C10orf90: variants seen among roughly 807,000 people sequenced by gnomAD.
C10orf90 encodes the protein (E2-independent) E3 ubiquitin-conjugating enzyme FATS.
C10orf90 carries 56 observed loss-of-function variants against 62.5 expected under a neutral mutation model. The ratio of observed to expected loss-of-function variants is 0.90; its 90% CI spans 0.72 to 1.12. C10orf90 has a LOEUF of 1.12. Ranked by LOEUF, C10orf90 falls within the 50% of genes most tolerant of loss-of-function variation. C10orf90 has a pLI of 0.00. For missense variants in C10orf90, 970 were observed against 880.4 expected (o/e 1.10, Z -1.29); for synonymous variants, 386 against 340.4 (o/e 1.13, Z -1.47).
intron 3 of C10orf90, among the ~76,000 whole-genome samples, chr10:126,506,811 A>AT (rs145425276): frequency 0.12 from 17,919 of 152,174 alleles, 1,110 homozygotes; most frequent in East Asian, 0.15. Flanking sequence ...GCACAGTAGC[A>AT]TTTTTATTTT....
intron 2 of C10orf90, among the ~76,000 whole-genome samples, chr10:126,526,725 G>A (rs1863960575): frequency 6.6e-6 from 1 of 152,086 alleles, no homozygotes; most frequent in African/African-American, 2.4e-5. Flanking sequence ...CACTCCACAT[G>A]ATCCCTTGAC....
chr10:126,494,897 G>A (rs892468461), intron 4 of C10orf90, among the ~76,000 whole-genome samples: 1 of 152,204 alleles, frequency 6.6e-6, no homozygotes, highest in African/African-American at 2.4e-5. Context: ...CTGTGCACCT[G>A]CCCTTCAGGC....
At chr10:126,593,514 G>T (rs933873608) in intron 2 of C10orf90, among the ~76,000 whole-genome samples, 6 of 152,082 alleles carry the variant, frequency 3.9e-5, no homozygotes, top group Non-Finnish European at 4.4e-5. Context: ...ATGGATACAT[G>T]GAGTGGGGAA....
chr10:126,626,279 C>A (rs1406518334), intron 2 of C10orf90, among the ~76,000 whole-genome samples: 1 of 152,176 alleles, frequency 6.6e-6, no homozygotes, highest in Non-Finnish European at 1.5e-5. Flanking sequence ...CCCCTCAGGA[C>A]AGAAGCATCC....
chr10:126,663,467 T>C (rs1415071759), intron 1 of C10orf90, among the ~76,000 whole-genome samples: 5 of 152,222 alleles, frequency 3.3e-5, no homozygotes, highest in African/African-American at 9.6e-5. Flanking sequence ...TCACAGAATT[T>C]TCTCTTTGGA....
At chr10:126,508,776 G>A (rs896238519) in intron 3 of C10orf90, among the ~76,000 whole-genome samples, 9 of 152,152 alleles carry the variant, frequency 5.9e-5, no homozygotes, top group African/African-American at 2.2e-4. Context: ...GTTCTCGGGC[G>A]GGGGCCTCCA....
chr10:126,537,917 C>T (rs568458371), intron 2 of C10orf90, among the ~76,000 whole-genome samples: 3 of 152,222 alleles, frequency 2.0e-5, no homozygotes, highest in Admixed American at 1.3e-4. Context: ...TTAGAGTGGG[C>T]CCTAACCCAA....
chr10:126,550,051 G>T (rs1026664817), intron 2 of C10orf90, among the ~76,000 whole-genome samples: 28 of 151,838 alleles, frequency 1.8e-4, no homozygotes, highest in Admixed American at 1.4e-3. Context: ...AGCCTCCCGG[G>T]TTCAAGCAAT....
At chr10:126,532,346 T>G (rs1864117084) in intron 2 of C10orf90, among the ~76,000 whole-genome samples, 2 of 152,144 alleles carry the variant, frequency 1.3e-5, no homozygotes, top group South Asian at 4.1e-4. Flanking sequence ...GTCTGGGGTC[T>G]GAGGCCCTGA....
chr10:126,568,319 T>TTGGCAGAATTC (rs1844435148), intron 2 of C10orf90, among the ~76,000 whole-genome samples: 1 of 152,186 alleles, frequency 6.6e-6, no homozygotes, highest in African/African-American at 2.4e-5. Flanking sequence ...GCATTTTCTG[T>TTGGCAGAATTC]TGCTGGCAGA....
chr10:126,479,228 G>A (rs567472857), intron 4 of C10orf90, among the ~76,000 whole-genome samples: 12 of 152,302 alleles, frequency 7.9e-5, no homozygotes, highest in African/African-American at 2.4e-4. Context: ...CAATGTGGGC[G>A]GTCCTCCTGA....
At chr10:126,493,163 GAAA>G (rs35431467) in intron 4 of C10orf90, among the ~76,000 whole-genome samples, 2 of 136,972 alleles carry the variant, frequency 1.5e-5, no homozygotes, top group African/African-American at 2.7e-5. Flanking sequence ...CTTTTTTGTT[GAAA>G]AAAAAAAAAA....
At chr10:126,580,264 A>T (rs1844718415) in intron 2 of C10orf90, among the ~76,000 whole-genome samples, 1 of 152,004 alleles carries the variant, frequency 6.6e-6, no homozygotes, top group South Asian at 2.1e-4. Context: ...TGGATAGTCA[A>T]CTCTTCTTGG....
chr10:126,544,679 C>T (rs373597138), intron 2 of C10orf90, among the ~76,000 whole-genome samples: 7 of 152,114 alleles, frequency 4.6e-5, no homozygotes, highest in South Asian at 4.1e-4. Flanking sequence ...AAAGAAACTA[C>T]GAAGCCACCA....
chr10:126,461,445 A>G lies in C10orf90; in HGVS notation c.1966T>C (p.Cys656Arg). 2 of 1,614,206 alleles carry G rather than the reference A, an allele frequency of 1.2e-6. No individual in the cohort carries two copies. The highest frequency in any genetic ancestry group is 1.7e-6 in the Non-Finnish European group (2 of 1,180,026). ...GAGSPGLSEDCSESQQTPARS... is the reference protein window; with the variant it reads ...GAGSPGLSEDRSESQQTPARS... Reference sequence around the variant, plus strand: ...GCAGGCGTTTGCTGAGACTCAGAACAGTCTTCGGACAGGCCAGGGCTCCCT... The same window carrying G: ...GCAGGCGTTTGCTGAGACTCAGAACGGTCTTCGGACAGGCCAGGGCTCCCT... Residue 656 changes from cysteine (C) to arginine (R), a missense_variant, in exon 6 of 10, where the codon TGT (cysteine) becomes CGT (arginine). Coordinates refer to ENST00000488181, the MANE Select transcript of C10orf90 (RefSeq NM_001350921.2).
chr10:126,440,934 A>G (rs1858276941), intron 7 of C10orf90, among the ~76,000 whole-genome samples: 1 of 152,186 alleles, frequency 6.6e-6, no homozygotes, highest in African/African-American at 2.4e-5. Flanking sequence ...GCCTACCCAC[A>G]TGAAAAGGAA....
intron 7 of C10orf90, among the ~76,000 whole-genome samples, chr10:126,439,923 A>G (rs1401451941): frequency 2.6e-5 from 4 of 152,188 alleles, no homozygotes; most frequent in African/African-American, 7.2e-5. Context: ...TGAGTCCCCA[A>G]GCAGGCCATT....
chr10:126,528,995 A>G (rs1162177250), intron 2 of C10orf90, among the ~76,000 whole-genome samples: 2 of 152,222 alleles, frequency 1.3e-5, no homozygotes, highest in Non-Finnish European at 2.9e-5. Context: ...TCATTGCTAC[A>G]GAAATAAACA....
intron 2 of C10orf90, among the ~76,000 whole-genome samples, chr10:126,619,677 T>C (rs1845608952): frequency 1.3e-5 from 2 of 152,220 alleles, no homozygotes; most frequent in Non-Finnish European, 2.9e-5. Flanking sequence ...TCTTGCTCTG[T>C]CACCGAGTTT....
Sources: allele counts gnomAD v4.1 joint callset (sites outside exome capture counted in the v4.1 genomes callset), GRCh38; gene constraint gnomAD v4.1.1; transcripts MANE v1.5; gene names NCBI Gene and HGNC (gene_info 2026-07-23, HGNC 2026-07-21).